Variants in ANLN observed in about 807,000 individuals in gnomAD.
The protein encoded by ANLN is anillin.
Under a neutral mutation model 135.1 loss-of-function variants are expected in ANLN, and 59 were observed. The ratio of observed to expected loss-of-function variants is 0.44; its 90% CI spans 0.35 to 0.54. ANLN has a LOEUF of 0.54. ANLN is among the 20% of genes least tolerant of loss of function. The pLI, the probability that ANLN is intolerant of heterozygous loss-of-function variation, is 0.00. For missense variants in ANLN, 1,182 were observed against 1,340.0 expected (o/e 0.88, Z 1.84); for synonymous variants, 406 against 456.4 (o/e 0.89, Z 1.41).
At chr7:36,398,171 AT>A (rs34778019) in intron 2 of ANLN, among the ~76,000 whole-genome samples, 104 of 148,520 alleles carry the variant, frequency 7.0e-4, no homozygotes, top group Admixed American at 6.7e-4. Flanking sequence ...GTTCTGATAG[AT>A]TTTTTTTTTT....
intron 20 of ANLN, among the ~76,000 whole-genome samples, chr7:36,427,333 A>C (rs1350733822): frequency 2.0e-5 from 3 of 151,982 alleles, no homozygotes; most frequent in Non-Finnish European, 2.9e-5. Context: ...TTTAAAACAT[A>C]ATATCTTGCC....
In ANLN at chr7:36,453,272, G is replaced by A. The variant is rs1429859616; in HGVS notation, c.*672G>A. On this transcript the variant is annotated 3_prime_UTR_variant, in exon 24 of 24. Coordinates refer to ENST00000265748, the MANE Select transcript of ANLN (RefSeq NM_018685.5). ...TCAGCTACTATATATGCAGTGTGGT[G>A]CACATTTTCACAGAATTCTGGCTTC... is the stretch of plus-strand genomic sequence containing the variant. 2 of 152,166 alleles carry A rather than the reference G, an allele frequency of 1.3e-5. No homozygotes were observed. Among genetic ancestry groups the A allele is most frequent in the East Asian group, 1.9e-4 (1 of 5,200 alleles). 9.4% of individuals were successfully genotyped at this position (152,166 alleles called of 1,614,324 possible). A position where few individuals can be genotyped will look rare whatever the true frequency, so the allele number is the denominator to read the frequency against.
chr7:36,442,483 G>A lies in ANLN; in HGVS notation c.2971-1272G>A, dbSNP rs550464049. Among the ~76,000 whole-genome samples, 8 of 152,270 alleles carry A rather than the reference G, an allele frequency of 5.3e-5. No individual in the cohort carries two copies. The East Asian group carries it at 5.8e-4, about 11-fold the overall frequency. On this transcript the variant is annotated intron_variant, in intron 21 of 23. Transcript: ENST00000265748. ...GAGCTGAGTAGCTGTGGCAGGGACC[G>A]TATGGCCCAAAGTCTAAAATATTTA...
intron 7 of ANLN, among the ~76,000 whole-genome samples, 181 bp downstream of exon 7, chr7:36,411,347 T>A (rs1158541205): frequency 6.6e-6 from 1 of 152,254 alleles, no homozygotes; most frequent in Non-Finnish European, 1.5e-5. Context: ...GATATTTTTC[T>A]ATTTCAGTGG....
Position 36,451,138 on chromosome 7 carries a change from G to T in ANLN, c.3251+1301G>T, listed in dbSNP as rs76725958. Among the ~76,000 whole-genome samples the T allele has an allele frequency of 5.5e-3, 840 of 152,296 alleles. 8 individuals carry two copies. The highest frequency in any genetic ancestry group is 0.019 in the African/African-American group (798 of 41,546). On this transcript the variant is annotated intron_variant, in intron 23 of 23. Coordinates refer to ENST00000265748, the MANE Select transcript of ANLN (RefSeq NM_018685.5). The stretch of plus-strand genomic sequence containing the variant: ...ATTTATTTTACTTTTTTGATGGTGA[G>T]AATATAAACATTCTGCAGTTCTGCA...
Position 36,406,514 on chromosome 7 carries a change from C to A in ANLN, c.821C>A (p.Ser274Tyr). 1 of 1,556,736 alleles carries A rather than the reference C, an allele frequency of 6.4e-7. No homozygotes were observed. The highest frequency in any genetic ancestry group is 1.2e-5 in the South Asian group (1 of 83,756). The change falls in exon 4 of 24, where the codon TCC becomes TAC. Residue 274 changes from serine to tyrosine, a missense_variant. By Grantham distance (144) the Ser-to-Tyr change is moderately radical. Around this residue, in one of 3 missense-constraint regions of ANLN, gnomAD observed 1,022 missense variants for 1,134.0 expected, o/e 0.90. Transcript: ENST00000265748. ...DGDASLNKAL[S>Y]SSADDASLVN... Reference sequence around the variant, plus strand: ...GATGCCTCTTTGAATAAAGCCCTATCCTCAAGTGCTGATGATGCGTCTTTG... The same window carrying A: ...GATGCCTCTTTGAATAAAGCCCTATACTCAAGTGCTGATGATGCGTCTTTG...
intron 7 of ANLN, among the ~76,000 whole-genome samples, chr7:36,412,306 A>AATATATATATATATATATATAT (rs60215077): frequency 7.8e-5 from 8 of 102,660 alleles, no homozygotes; most frequent in African/African-American, 2.2e-4. Flanking sequence ...CTGCCAGAGA[A>AATATATATATATATATATATAT]ATATATATAT....
chr7:36,443,857 C>T lies in ANLN; in HGVS notation c.3073C>T (p.Arg1025Cys), dbSNP rs1328605509. The change falls in exon 22 of 24, where the codon CGC (arginine) becomes TGC (cysteine). Residue 1025 changes from arginine (R) to cysteine (C), a missense_variant. Around this residue, in one of 3 missense-constraint regions of ANLN, gnomAD observed 82 missense variants for 133.3 expected, o/e 0.62. Coordinates refer to ENST00000265748, the MANE Select transcript of ANLN (RefSeq NM_018685.5). Reference protein sequence around the residue: ...SYWTYPDDEKRKNPIGRINLA... With the variant: ...SYWTYPDDEKCKNPIGRINLA... ...TTGGACTTATCCAGATGATGAGAAA[C>T]GCAAGGTAATTTATATAGTACTGTT... 20 of 1,600,674 alleles carry T rather than the reference C, an allele frequency of 1.2e-5. No homozygotes were observed. The highest frequency in any genetic ancestry group is 1.6e-4 in the Middle Eastern group (1 of 6,062).
Position 36,420,669 on chromosome 7 carries a change from G to T in ANLN, c.2088G>T (p.Lys696Asn), listed in dbSNP as rs774014226. The change falls in exon 12 of 24, where the codon AAG (lysine) becomes AAT (asparagine). Residue 696 changes from lysine to asparagine, a missense_variant. By Grantham distance (94) the Lys-to-Asn change is moderately conservative (BLOSUM62 0). Transcript: ENST00000265748. ...CAATAAAGCAGGTGATTGTTCGGAA[G>T]GAAGATGTTACTTCAAAACTGGATG... Reference protein sequence around the residue: ...RPSIKQVIVRKEDVTSKLDEK... With the variant: ...RPSIKQVIVRNEDVTSKLDEK... 34 of 1,613,482 alleles carry T rather than the reference G, an allele frequency of 2.1e-5. No individual in the cohort carries two copies. The highest frequency in any genetic ancestry group is 2.9e-5 in the Non-Finnish European group (34 of 1,179,556).
chr7:36,428,392 G>A lies in ANLN; in HGVS notation c.2883+1364G>A, dbSNP rs187714533. On this transcript the variant is annotated intron_variant, in intron 20 of 23. Coordinates refer to ENST00000265748, the MANE Select transcript of ANLN (RefSeq NM_018685.5). ...ATTATTTTCTTTGCTTGAAATTAAT[G>A]AGCTTAAAAATCAATCCTTAATTTT... is the stretch of plus-strand genomic sequence containing the variant. 1,685 of 1,219,426 alleles carry A rather than the reference G, an allele frequency of 1.4e-3. 6 individuals are homozygous for A. Among genetic ancestry groups the A allele is most frequent in the Non-Finnish European group, 1.7e-3 (1,599 of 931,464 alleles). 75.5% of individuals were successfully genotyped at this position (1,219,426 alleles called of 1,614,324 possible).
chr7:36,417,005 C>G, intron 8 of ANLN, 75 bp from the exon 9 acceptor site: 1 of 586,910 alleles, frequency 1.7e-6, no homozygotes. Context: ...AAAAAAAAAA[C>G]ACACACAAGA....
chr7:36,436,663 G>C (rs1268523964), intron 20 of ANLN, among the ~76,000 whole-genome samples: 1 of 152,148 alleles, frequency 6.6e-6, no homozygotes, highest in Non-Finnish European at 1.5e-5. Flanking sequence ...ATCCTAGTGG[G>C]TGTGAAGTGG....
intron 22 of ANLN, among the ~76,000 whole-genome samples, chr7:36,447,097 T>G (rs1789033796): frequency 6.6e-6 from 1 of 152,232 alleles, no homozygotes; most frequent in African/African-American, 2.4e-5. Flanking sequence ...ACAAATTTAA[T>G]GCCTTTTGTA....
At position 36,449,797 on chromosome 7, in the gene ANLN, A is replaced by T; in HGVS notation, c.3211A>T (p.Thr1071Ser). Residue 1071 changes from threonine (T) to serine (S), a missense_variant, in exon 23 of 24, where the codon ACT becomes TCT. By Grantham distance (58) the Thr-to-Ser change is moderately conservative. Around this residue, in one of 3 missense-constraint regions of ANLN, gnomAD observed 78 missense variants for 72.7 expected, o/e 1.07. Coordinates refer to ENST00000265748, the MANE Select transcript of ANLN (RefSeq NM_018685.5). Reference sequence around the variant, plus strand: ...ACCACAAAGAGAAGATGACCGAGAGACTCTTGTCAGCCAATGCAGGGACAC... The same window carrying T: ...ACCACAAAGAGAAGATGACCGAGAGTCTCTTGTCAGCCAATGCAGGGACAC... The part of the protein sequence containing the change: ...VRPQREDDRE[T>S]LVSQCRDTLC... The T allele has an allele frequency of 6.2e-7, 1 of 1,613,826 alleles. No individual in the cohort carries two copies. The highest frequency in any genetic ancestry group is 8.5e-7 in the Non-Finnish European group (1 of 1,179,876).
rs1276154462 is a variant in ANLN at position 36,449,123 on chromosome 7, T to C, written c.3079-542T>C. ...GTTGGCTCATGTGTGCCTATATGTGTTTCTTTTCCCATTTTCAGGACCATT... is the reference window on the plus strand; with the variant it reads ...GTTGGCTCATGTGTGCCTATATGTGCTTCTTTTCCCATTTTCAGGACCATT... On this transcript the variant is annotated intron_variant, in intron 22 of 23. Coordinates refer to ENST00000265748, the MANE Select transcript of ANLN (RefSeq NM_018685.5). 6 of 152,450 alleles carry C rather than the reference T, an allele frequency of 3.9e-5. No homozygotes were observed. In the East Asian group the frequency reaches 1.2e-3, roughly 29 times the overall value. The allele number at this position is 152,450 out of a possible 1,614,324, so 9.4% of individuals were successfully genotyped here.
At chr7:36,414,770 A>G (rs995471906) in intron 7 of ANLN, among the ~76,000 whole-genome samples, 2 of 152,196 alleles carry the variant, frequency 1.3e-5, no homozygotes, top group Non-Finnish European at 2.9e-5. Flanking sequence ...TACACAACCA[A>G]AGCTGCTTCT....
At chr7:36,392,024 T>G (rs1583584820) in intron 1 of ANLN, among the ~76,000 whole-genome samples, 1 of 152,128 alleles carries the variant, frequency 6.6e-6, no homozygotes, top group Admixed American at 6.5e-5. Flanking sequence ...CGTCAAGAGT[T>G]TGAAGCTCTA....
At chr7:36,398,183 T>A (rs940859064) in intron 2 of ANLN, among the ~76,000 whole-genome samples, 4 of 152,002 alleles carry the variant, frequency 2.6e-5, no homozygotes, top group African/African-American at 4.8e-5. Flanking sequence ...TTTTTTTTTT[T>A]AATTTTAGGG....
intron 22 of ANLN, among the ~76,000 whole-genome samples, chr7:36,446,558 G>A (rs887513487): frequency 2.6e-5 from 4 of 152,180 alleles, no homozygotes; most frequent in African/African-American, 9.7e-5. Flanking sequence ...CATGGTAAAA[G>A]CAGGAGCGAG....
Sources: gnomAD v4.1 joint callset for allele counts (sites outside exome capture counted in the v4.1 genomes callset) on GRCh38, gnomAD v4.1.1 for gene constraint, gnomAD v4.1.1 regional missense constraint, MANE v1.5 for transcripts, NCBI Gene and HGNC (gene_info 2026-07-23, HGNC 2026-07-21) for gene names.